Variants in FRK observed in about 807,000 individuals in gnomAD.
The protein encoded by FRK is tyrosine-protein kinase FRK.
In FRK, 51 loss-of-function variants were observed where a neutral mutation model predicts 56.4. The observed-to-expected ratio is 0.90, with a 90% confidence interval of 0.72 to 1.14. FRK has a LOEUF of 1.14. Among genes scored for constraint, FRK ranks in the 50% most tolerant of loss-of-function variants. The pLI, the probability that FRK is intolerant of heterozygous loss-of-function variation, is 0.00. For missense variants in FRK, 570 were observed against 601.4 expected (o/e 0.95, Z 0.55); for synonymous variants, 245 against 217.9 (o/e 1.12, Z -1.10).
chr6:115,981,967 T>C (rs554508039), intron 2 of FRK, among the ~76,000 whole-genome samples: 15 of 152,288 alleles, frequency 9.8e-5, no homozygotes, highest in African/African-American at 3.1e-4. Flanking sequence ...CAAAGGTTAC[T>C]GTGATGGTTA....
chr6:116,077,515 C>G, the FRK span, among the ~76,000 whole-genome samples: 6 of 152,198 alleles, frequency 3.9e-5, no homozygotes, highest in Non-Finnish European at 5.9e-5. Flanking sequence ...GATACATGCA[C>G]GGTGCTAATT....
At chr6:116,000,769 T>C (rs938938952) in intron 2 of FRK, among the ~76,000 whole-genome samples, 1 of 152,302 alleles carries the variant, frequency 6.6e-6, no homozygotes, top group African/African-American at 2.4e-5. Context: ...TATTCAACTA[T>C]TTATCTGTAA....
intron 1 of FRK, among the ~76,000 whole-genome samples, chr6:116,022,754 C>T (rs1186167768): frequency 6.6e-6 from 1 of 152,086 alleles, no homozygotes; most frequent in African/African-American, 2.4e-5. Context: ...GTTTTATATA[C>T]ACGGATGCAG....
chr6:116,052,290 T>G (rs1777208453), intron 1 of FRK, among the ~76,000 whole-genome samples: 1 of 152,148 alleles, frequency 6.6e-6, no homozygotes, highest in South Asian at 2.1e-4. Context: ...GCAATTTCAT[T>G]GAGAAATGAA....
chr6:116,097,042 G>GCTT, the FRK span, among the ~76,000 whole-genome samples: 2 of 152,036 alleles, frequency 1.3e-5, no homozygotes, highest in Non-Finnish European at 2.9e-5. Context: ...TTCTAAGTAG[G>GCTT]CTTCTTCTTC....
At chr6:116,067,704 C>A in the FRK span, among the ~76,000 whole-genome samples, 2 of 152,144 alleles carry the variant, frequency 1.3e-5, no homozygotes, top group African/African-American at 4.8e-5. Context: ...GCCACTTATA[C>A]TAATTGCAAG....
At chr6:116,096,776 G>A in the FRK span, among the ~76,000 whole-genome samples, 1 of 152,202 alleles carries the variant, frequency 6.6e-6, no homozygotes, top group East Asian at 1.9e-4. Context: ...AACCCACTCA[G>A]GTCCTCTTCC....
intron 1 of FRK, among the ~76,000 whole-genome samples, chr6:116,027,176 C>T (rs1776124387): frequency 6.6e-6 from 1 of 152,038 alleles, no homozygotes; most frequent in South Asian, 2.1e-4. Flanking sequence ...TTAAATCATC[C>T]AACAATGTTC....
chr6:116,098,974 G>A, the FRK span, among the ~76,000 whole-genome samples: 1 of 152,166 alleles, frequency 6.6e-6, no homozygotes, highest in African/African-American at 2.4e-5. Flanking sequence ...CTCCCACAAA[G>A]TTTAAATGAT....
chr6:116,042,697 C>T (rs913842072), intron 1 of FRK, among the ~76,000 whole-genome samples: 3 of 152,124 alleles, frequency 2.0e-5, no homozygotes, highest in African/African-American at 7.2e-5. Context: ...AAATAACCAG[C>T]TAGCATCATA....
At chr6:116,086,485 A>G in the FRK span, among the ~76,000 whole-genome samples, 1 of 152,188 alleles carries the variant, frequency 6.6e-6, no homozygotes, top group Admixed American at 6.5e-5. Context: ...TGCTGTAATT[A>G]TTTATATAGT....
intron 2 of FRK, among the ~76,000 whole-genome samples, chr6:115,969,151 G>A (rs901800372): frequency 6.6e-6 from 1 of 152,120 alleles, no homozygotes; most frequent in Non-Finnish European, 1.5e-5. Flanking sequence ...CTGGTGCAGA[G>A]ACCAGGGAGA....
chr6:116,008,636 T>C (rs952944593), intron 1 of FRK, among the ~76,000 whole-genome samples: 1 of 152,318 alleles, frequency 6.6e-6, no homozygotes, highest in African/African-American at 2.4e-5. Flanking sequence ...AATTTGAGGT[T>C]TGAACCATTG....
At chr6:116,075,457 A>G in the FRK span, among the ~76,000 whole-genome samples, 1 of 111,656 alleles carries the variant, frequency 9.0e-6, no homozygotes, top group South Asian at 4.2e-4. Context: ...TAAGCTTAAG[A>G]GCTGGGGGAA....
intron 1 of FRK, among the ~76,000 whole-genome samples, chr6:116,017,929 A>G (rs886667173): frequency 9.2e-5 from 14 of 152,212 alleles, no homozygotes; most frequent in African/African-American, 3.4e-4. Flanking sequence ...CTTACAAAAC[A>G]TTACAAATTC....
rs1378999769 is a variant in FRK, at chr6:115,933,173, ATTCTTAGGGT to A, written c.*9231_*9240del. The A allele has an allele frequency of 6.6e-6, 1 of 152,166 alleles. No homozygotes were observed. The highest frequency in any genetic ancestry group is 1.5e-5 in the Non-Finnish European group (1 of 68,014). 9.4% of individuals were successfully genotyped at this position (152,166 alleles called of 1,614,324 possible). Reference sequence around the variant, plus strand: ...GAACATTGAATTTTCTTTATTGCAAATTCTTAGGGTTTCTGTCAAAAGAGATTTGAAATAC... The same window carrying A: ...GAACATTGAATTTTCTTTATTGCAAATTCTGTCAAAAGAGATTTGAAATAC... On this transcript the variant is annotated 3_prime_UTR_variant, in exon 8 of 8. Transcript: ENST00000606080.
chr6:115,958,691 A>G (rs1386017377), intron 4 of FRK, among the ~76,000 whole-genome samples: 9 of 4,536 alleles, frequency 2.0e-3, no homozygotes, highest in Non-Finnish European at 3.5e-3. Context: ...AAAGAAAGAA[A>G]GAAAGAAAGA....
chr6:116,070,735 G>A, the FRK span, among the ~76,000 whole-genome samples: 610 of 152,192 alleles, frequency 4.0e-3, 1 homozygote, highest in Non-Finnish European at 6.1e-3. Context: ...CAAATGCACC[G>A]TTTCTTACTT....
Position 115,944,283 on chromosome 6 carries a change from G to C in FRK, c.1101C>G (p.Ile367Met). Residue 367 changes from isoleucine to methionine, a missense_variant, in exon 6 of 8, where the codon ATC becomes ATG. Transcript: ENST00000606080. ...ARNVLVGEHN[I>M]YKVADFGLAR... is the part of the protein sequence containing the mutation. ...CAAGTCCAAAATCTGCTACTTTGTA[G>C]ATATTATGTTCACCAACGAGGACAT... The C allele has an allele frequency of 2.5e-6, 4 of 1,612,396 alleles. No homozygotes were observed. The highest frequency in any genetic ancestry group is 2.5e-6 in the Non-Finnish European group (3 of 1,179,506).
Sources: allele counts gnomAD v4.1 joint callset (sites outside exome capture counted in the v4.1 genomes callset), GRCh38; gene constraint gnomAD v4.1.1; transcripts MANE v1.5; gene names NCBI Gene and HGNC (gene_info 2026-07-23, HGNC 2026-07-21).